Variants in NDUFAF7 observed in about 807,000 individuals in gnomAD.
NDUFAF7 encodes the protein protein arginine methyltransferase NDUFAF7, mitochondrial.
A neutral mutation model predicts 47.2 loss-of-function variants in NDUFAF7; 48 were observed. That is an observed-to-expected ratio of 1.02 (90% CI 0.81 to 1.29). The LOEUF is 1.29. NDUFAF7 is among the 50% of genes most tolerant of loss of function. The pLI is 0.00. For missense variants in NDUFAF7, 635 were observed against 537.6 expected (o/e 1.18, Z -1.79); for synonymous variants, 217 against 190.0 (o/e 1.14, Z -1.17).
chr2:37,267,737 A>C, the NDUFAF7 span: 1 of 501,046 alleles, frequency 2.0e-6, no homozygotes, highest in Non-Finnish European at 3.5e-6. Context: ...CCCCTAATAA[A>C]GTCAGCTGCA....
the NDUFAF7 span, chr2:37,260,480 G>C: frequency 1.8e-6 from 2 of 1,131,746 alleles, no homozygotes; most frequent in Non-Finnish European, 2.6e-6. Context: ...GGCACAGAAA[G>C]AAAGCCTAGA....
At chr2:37,249,936 G>C (rs1412077666), downstream of NDUFAF7, among the ~76,000 whole-genome samples, 2 of 151,618 alleles carry the variant, frequency 1.3e-5, no homozygotes, top group African/African-American at 4.8e-5. Flanking sequence ...CTTGACAGGA[G>C]TAGCATTCTG....
chr2:37,238,204 G>C (rs1480903928), intron 4 of NDUFAF7, among the ~76,000 whole-genome samples: 3 of 152,060 alleles, frequency 2.0e-5, no homozygotes, highest in Non-Finnish European at 4.4e-5. Flanking sequence ...GGCCAAGGTG[G>C]GCAGATCACA....
chr2:37,237,476 A>G (rs1665914466), intron 3 of NDUFAF7, among the ~76,000 whole-genome samples: 1 of 152,252 alleles, frequency 6.6e-6, no homozygotes, highest in South Asian at 2.1e-4. Flanking sequence ...TTCAAATACT[A>G]ATACCTTTCT....
chr2:37,255,714 A>G (rs1460560194), downstream of NDUFAF7, among the ~76,000 whole-genome samples: 1 of 152,250 alleles, frequency 6.6e-6, no homozygotes, highest in African/African-American at 2.4e-5. Context: ...AATACTTAAG[A>G]AAAAAATGGG....
chr2:37,236,943 T>C (rs1665853855), intron 3 of NDUFAF7, among the ~76,000 whole-genome samples: 1 of 152,144 alleles, frequency 6.6e-6, no homozygotes, highest in South Asian at 2.1e-4. Flanking sequence ...GTCATGATTT[T>C]AGCCGTACTT....
At chr2:37,262,144 C>T in the NDUFAF7 span, among the ~76,000 whole-genome samples, 1 of 152,282 alleles carries the variant, frequency 6.6e-6, no homozygotes, top group African/African-American at 2.4e-5. Flanking sequence ...GCATCCTGTA[C>T]ATTTTTCTTT....
chr2:37,246,649 C>G (rs1666940678), intron 8 of NDUFAF7, among the ~76,000 whole-genome samples: 1 of 152,100 alleles, frequency 6.6e-6, no homozygotes. Context: ...TCCTAAACAT[C>G]CTTTCTTAAT....
At chr2:37,232,080 G>A (rs1665207232) in intron 1 of NDUFAF7, 26 bp from the exon 2 acceptor site, 1 of 1,614,052 alleles carries the variant, frequency 6.2e-7, no homozygotes, top group Non-Finnish European at 8.5e-7. Context: ...TTATCATGGG[G>A]TCTGTTTAAT....
At chr2:37,239,697 A>C (rs1666158692) in intron 4 of NDUFAF7, among the ~76,000 whole-genome samples, 1 of 152,104 alleles carries the variant, frequency 6.6e-6, no homozygotes, top group South Asian at 2.1e-4. Context: ...AGTGGAATAT[A>C]ACAGTGTTCA....
At chr2:37,264,854 G>C in the NDUFAF7 span, among the ~76,000 whole-genome samples, 1 of 152,108 alleles carries the variant, frequency 6.6e-6, no homozygotes, top group African/African-American at 2.4e-5. Context: ...AAAATGGGAT[G>C]TGCTCATTTC....
At position 37,242,649 on chromosome 2, in the gene NDUFAF7, C is replaced by G. The variant is rs184802645; in HGVS notation, c.637C>G (p.Leu213Val). Residue 213 changes from leucine (L) to valine (V), a missense_variant, in exon 6 of 10, where the codon CTT (leucine) becomes GTT (valine). Transcript: ENST00000002125. ...TTTTTAAATAGGGTACAGCTTTTAT[C>G]TTGCACATGAATTTTTTGATGTTCT... ...HDVPKGYSFY[L>V]AHEFFDVLPV... 8.8e-5 allele frequency: 141 copies of G among 1,598,992 alleles called. No individual in the cohort carries two copies. In the East Asian group the frequency reaches 3.0e-3, roughly 35 times the overall value.
At chr2:37,242,407 C>G in intron 5 of NDUFAF7, 1 of 407,136 alleles carries the variant, frequency 2.5e-6, no homozygotes. Flanking sequence ...TGAATAAAAG[C>G]TTTAACTGCT....
intron 4 of NDUFAF7, among the ~76,000 whole-genome samples, chr2:37,239,974 T>TGTA (rs1379061380): frequency 2.0e-5 from 3 of 152,228 alleles, no homozygotes; most frequent in Admixed American, 2.0e-4. Context: ...GTATCATTGT[T>TGTA]TCTATCAGTC....
rs776293785 is a variant in NDUFAF7, at chr2:37,231,703, A to T, written c.-3A>T. ...CGGAGCGAGCTAGCCTGCGAATTTCAGCATGAGTGTACTGCTGAGGTCAGG... is the reference window on the plus strand; with the variant it reads ...CGGAGCGAGCTAGCCTGCGAATTTCTGCATGAGTGTACTGCTGAGGTCAGG... On this transcript the variant is annotated 5_prime_UTR_variant, in exon 1 of 10. Transcript: ENST00000002125. The T allele has an allele frequency of 1.5e-5, 25 of 1,614,122 alleles. No individual in the cohort carries two copies. Among genetic ancestry groups the T allele is most frequent in the Non-Finnish European group, 2.0e-5 (24 of 1,180,048 alleles).
At chr2:37,259,611 A>T in the NDUFAF7 span, 1 of 1,613,440 alleles carries the variant, frequency 6.2e-7, no homozygotes, top group Non-Finnish European at 8.5e-7. Context: ...TGATGCAAGC[A>T]GCACATTTTC....
rs764096274 is a variant in NDUFAF7, at chr2:37,236,112, G to T, written c.233G>T (p.Arg78Leu). The change falls in exon 3 of 10, where the codon CGT (arginine) becomes CTT (leucine). Residue 78 changes from arginine (R) to leucine (L), a missense_variant. Arg to Leu is a moderately radical substitution (Grantham distance 102, BLOSUM62 -2). Coordinates refer to ENST00000002125, the MANE Select transcript of NDUFAF7 (RefSeq NM_144736.5). ...TNPAKGYYVY[R>L]DMLGEKGDFI... is the part of the protein sequence containing the mutation. The stretch of plus-strand genomic sequence containing the variant: ...TTTACTCAGGGTTATTATGTGTACC[G>T]TGACATGCTAGGCGAAAAAGGAGAT... 3.2e-5 allele frequency: 52 copies of T among 1,612,748 alleles called. No homozygotes were observed. In the East Asian group the frequency reaches 6.9e-4, roughly 21 times the overall value.
Position 37,241,718 on chromosome 2 carries a change from A to G in NDUFAF7, c.549A>G (p.Pro183=). ...CGTTAGAGCGAAATGCTGGATCCCC[A>G]GTGTATATGAAAGGTGTCACTAAGT... ...KVPLERNAGS[P]VYMKGVTKSG... is the part of the protein sequence containing the mutation. The change falls in exon 5 of 10, where the codon CCA becomes CCG. Residue 183 remains proline, a synonymous_variant. Coordinates refer to ENST00000002125, the MANE Select transcript of NDUFAF7 (RefSeq NM_144736.5). 3 of 1,614,078 alleles carry G rather than the reference A, an allele frequency of 1.9e-6. No homozygotes were observed. The highest frequency in any genetic ancestry group is 2.5e-6 in the Non-Finnish European group (3 of 1,180,000).
intron 2 of NDUFAF7, among the ~76,000 whole-genome samples, chr2:37,234,692 G>T (rs1665567906): frequency 6.6e-6 from 1 of 152,186 alleles, no homozygotes; most frequent in South Asian, 2.1e-4. Context: ...GGGGAAAGTT[G>T]AAGCTGGAAG....
Sources: gnomAD v4.1 joint callset for allele counts (sites outside exome capture counted in the v4.1 genomes callset) on GRCh38, gnomAD v4.1.1 for gene constraint, MANE v1.5 for transcripts, NCBI Gene and HGNC (gene_info 2026-07-23, HGNC 2026-07-21) for gene names.